The following FBXO10 variants were observed in gnomAD, a reference collection of about 807,000 sequenced individuals.
The protein encoded by FBXO10 is F-box protein 10, also known as F-box only protein 10.
In FBXO10, 39 loss-of-function variants were observed where a neutral mutation model predicts 80.7. That is an observed-to-expected ratio of 0.48 (90% confidence interval 0.37 to 0.63). The LOEUF is 0.63. Ranked by LOEUF, FBXO10 falls within the 30% of genes least tolerant of loss-of-function variation. FBXO10 has a pLI of 0.00. For missense variants in FBXO10, 1,025 were observed against 1,269.0 expected (o/e 0.81, Z 2.92); for synonymous variants, 449 against 489.6 (o/e 0.92, Z 1.09).
chr9:37,529,313 C>T lies in FBXO10; in HGVS notation c.1570-53G>A. On this transcript the variant is annotated intron_variant, in intron 4 of 10. Coordinates refer to ENST00000432825, the MANE Select transcript of FBXO10 (RefSeq NM_012166.3). Reference sequence around the variant, plus strand: ...AGCCAGATCAGACACGTCAGCGAAGCAGAGTGCCCAGGTGCCGCCCACACC... The same window carrying T: ...AGCCAGATCAGACACGTCAGCGAAGTAGAGTGCCCAGGTGCCGCCCACACC... 12 of 1,564,270 alleles carry T rather than the reference C, an allele frequency of 7.7e-6. No individual in the cohort carries two copies. In the South Asian group the frequency reaches 1.4e-4, roughly 18 times the overall value.
At chr9:37,515,531 A>G (rs1434145422) in intron 10 of FBXO10, 2 of 166,580 alleles carry the variant, frequency 1.2e-5, no homozygotes, top group Non-Finnish European at 2.6e-5. Flanking sequence ...CAGAGTGACT[A>G]AAGGACAGCA....
intron 1 of FBXO10, among the ~76,000 whole-genome samples, chr9:37,565,879 G>C (rs1822591155): frequency 6.6e-6 from 1 of 152,188 alleles, no homozygotes; most frequent in South Asian, 2.1e-4. Context: ...TATAGCAGAG[G>C]AAACAGCATC....
chr9:37,542,032 T>C (rs1046449707), intron 1 of FBXO10, among the ~76,000 whole-genome samples: 2 of 151,830 alleles, frequency 1.3e-5, no homozygotes, highest in Admixed American at 1.3e-4. Flanking sequence ...TTTCTCCATG[T>C]TGGTCAGGCT....
chr9:37,536,314 G>A (rs1254550115), intron 3 of FBXO10, among the ~76,000 whole-genome samples: 3 of 152,136 alleles, frequency 2.0e-5, no homozygotes, highest in Non-Finnish European at 2.9e-5. Flanking sequence ...GTGGAGAGGT[G>A]AGACTCGAAT....
chr9:37,532,384 T>A (rs1821653341), intron 3 of FBXO10, among the ~76,000 whole-genome samples: 1 of 148,960 alleles, frequency 6.7e-6, no homozygotes, highest in Admixed American at 6.8e-5. Flanking sequence ...TACTGCAAGC[T>A]CCGCCTCCCA....
chr9:37,575,472 G>A (rs1011734103), intron 1 of FBXO10: 1 of 152,184 alleles, frequency 6.6e-6, no homozygotes, highest in Non-Finnish European at 1.5e-5. Context: ...CAGACACTGT[G>A]TGCTAAACCC....
chr9:37,532,903 C>T (rs766323418), intron 3 of FBXO10, among the ~76,000 whole-genome samples: 28 of 152,196 alleles, frequency 1.8e-4, no homozygotes, highest in Admixed American at 1.6e-3. Flanking sequence ...CTGTCTGAGA[C>T]GGCACGGACA....
At chr9:37,544,657 G>C (rs1467390156) in intron 1 of FBXO10, among the ~76,000 whole-genome samples, 1 of 152,128 alleles carries the variant, frequency 6.6e-6, no homozygotes, top group African/African-American at 2.4e-5. Flanking sequence ...CTGGAGCCCA[G>C]ATGAGTAGGT....
intron 1 of FBXO10, among the ~76,000 whole-genome samples, chr9:37,565,865 G>A (rs1224708974): frequency 1.3e-5 from 2 of 152,158 alleles, no homozygotes; most frequent in Non-Finnish European, 2.9e-5. Context: ...GGAAGAAAGG[G>A]GGCTATAGCA....
chr9:37,515,884 A>T lies in FBXO10; in HGVS notation c.2696+20T>A. ...TACTGTGGCTCTAGAGGACTCGTTC[A>T]GGCAACCCCAAGCACTCACTTTTTC... On this transcript the variant is annotated intron_variant, in intron 10 of 10. Coordinates refer to ENST00000432825, the MANE Select transcript of FBXO10 (RefSeq NM_012166.3). The T allele has an allele frequency of 1.2e-6, 2 of 1,608,922 alleles. No individual in the cohort carries two copies. The highest frequency in any genetic ancestry group is 2.2e-5 in the South Asian group (2 of 90,496).
intron 10 of FBXO10, 122 bp from the exon 11 acceptor site, chr9:37,512,843 GT>G: frequency 2.0e-6 from 2 of 999,774 alleles, no homozygotes; most frequent in Non-Finnish European, 2.9e-6. Flanking sequence ...CTGGGTGTAG[GT>G]TTTATCTTCC....
intron 1 of FBXO10, among the ~76,000 whole-genome samples, chr9:37,547,602 C>T (rs1822089183): frequency 1.3e-5 from 2 of 152,004 alleles, no homozygotes; most frequent in Admixed American, 6.6e-5. Context: ...CAGAGCAAGA[C>T]TCTTATCTCA....
At chr9:37,574,313 T>C (rs1822839177) in intron 1 of FBXO10, among the ~76,000 whole-genome samples, 2 of 152,240 alleles carry the variant, frequency 1.3e-5, no homozygotes, top group Non-Finnish European at 2.9e-5. Flanking sequence ...ATAGTGTAAC[T>C]GCACTGCAAC....
rs551433997 is a variant in FBXO10, at chr9:37,537,518, C to G, written c.1011G>C (p.Glu337Asp). The G allele has an allele frequency of 1.9e-6, 3 of 1,612,700 alleles. No homozygotes were observed. Among genetic ancestry groups the G allele is most frequent in the South Asian group, 2.2e-5 (2 of 90,750 alleles). Residue 337 changes from glutamate to aspartate, a missense_variant, in exon 3 of 11, where the codon GAG becomes GAC. This residue lies in a region of FBXO10 where 450 missense variants were observed against 499.4 expected (regional missense o/e 0.90). Transcript: ENST00000432825. ...TTTCACCATCACTACCCACCTCTGC[C>G]TCCTGTGAGCCAGCCTTGGAGCCTG... ...PKPGSKAGSQ[E>D]AEVGSDGERV...
At chr9:37,517,475 G>C (rs536858759) in intron 9 of FBXO10, among the ~76,000 whole-genome samples, 2 of 127,128 alleles carry the variant, frequency 1.6e-5, no homozygotes, top group South Asian at 5.3e-4. Context: ...AGCTCAGTCC[G>C]GTGGGGAGAC....
rs747793739 is a variant in FBXO10, at chr9:37,532,072, AG to A, written c.1420-15del. 1 of 1,610,092 alleles carries A rather than the reference AG, an allele frequency of 6.2e-7. No individual in the cohort carries two copies. Among genetic ancestry groups the A allele is most frequent in the Non-Finnish European group, 8.5e-7 (1 of 1,177,808 alleles). ...GAGCATGATGATCTAAGCAGAAAAGAGAAAGCCATTTATTTTCCTGTTACAA... is the reference window on the plus strand; with the variant it reads ...GAGCATGATGATCTAAGCAGAAAAGAAAAGCCATTTATTTTCCTGTTACAA... On this transcript the variant is annotated splice_polypyrimidine_tract_variant and intron_variant, in intron 3 of 10. Coordinates refer to ENST00000432825, the MANE Select transcript of FBXO10 (RefSeq NM_012166.3).
At chr9:37,535,376 T>C (rs931525548) in intron 3 of FBXO10, among the ~76,000 whole-genome samples, 2 of 150,230 alleles carry the variant, frequency 1.3e-5, no homozygotes, top group Non-Finnish European at 3.0e-5. Flanking sequence ...GGAGACGGAG[T>C]CTTGCTCTGT....
At chr9:37,525,977 C>A (rs1243174852) in intron 5 of FBXO10, among the ~76,000 whole-genome samples, 1 of 152,102 alleles carries the variant, frequency 6.6e-6, no homozygotes. Context: ...ACCTCAGCCT[C>A]CCAAGTAGCT....
At chr9:37,542,373 A>C (rs1397945827) in intron 1 of FBXO10, among the ~76,000 whole-genome samples, 2 of 151,862 alleles carry the variant, frequency 1.3e-5, no homozygotes, top group African/African-American at 2.4e-5. Flanking sequence ...AGACAGGTGG[A>C]TCACCTGAGG....
Sources: gnomAD v4.1 joint callset for allele counts (sites outside exome capture counted in the v4.1 genomes callset) on GRCh38, gnomAD v4.1.1 for gene constraint, gnomAD v4.1.1 regional missense constraint, MANE v1.5 for transcripts, NCBI Gene and HGNC (gene_info 2026-07-23, HGNC 2026-07-21) for gene names.